The following GRM7 variants were observed in gnomAD, a reference collection of about 807,000 sequenced individuals.
GRM7 encodes the protein glutamate metabotropic receptor 7, also known as metabotropic glutamate receptor 7.
A neutral mutation model predicts 84.5 loss-of-function variants in GRM7; 35 were observed. The observed-to-expected ratio is 0.41, with a 90% CI of 0.32 to 0.55. The LOEUF (loss-of-function observed/expected upper bound fraction) is 0.55. Ranked by LOEUF, GRM7 falls within the 20% of genes least tolerant of loss-of-function variation. The pLI, the probability that GRM7 is intolerant of heterozygous loss-of-function variation, is 0.19. For synonymous variants in GRM7, 487 were observed against 455.1 expected (o/e 1.07, Z -0.89); for missense variants, 1,003 against 1,194.6 (o/e 0.84, Z 2.36).
intron 8 of GRM7, among the ~76,000 whole-genome samples, chr3:7,663,735 TAA>T (rs1699563364): frequency 1.3e-5 from 2 of 152,204 alleles, no homozygotes; most frequent in African/African-American, 4.8e-5. Flanking sequence ...CAAAAAGAAA[TAA>T]GTTAACTTGA....
chr3:7,731,085 T>G (rs188171534), intron 9 of GRM7, among the ~76,000 whole-genome samples: 10 of 68,598 alleles, frequency 1.5e-4, no homozygotes, highest in Admixed American at 1.1e-3. Context: ...TTTTCTTTTG[T>G]TTTTTTTTTT....
intron 9 of GRM7, among the ~76,000 whole-genome samples, chr3:7,728,808 G>C (rs1217870078): frequency 6.6e-6 from 1 of 152,210 alleles, no homozygotes; most frequent in East Asian, 1.9e-4. Flanking sequence ...AGGAAGAACT[G>C]GTCTGCCACA....
intron 1 of GRM7, among the ~76,000 whole-genome samples, chr3:6,876,054 G>A (rs1695288335): frequency 6.6e-6 from 1 of 152,054 alleles, no homozygotes; most frequent in Non-Finnish European, 1.5e-5. Context: ...GATCACCTGA[G>A]GTCAGGAGTT....
chr3:7,079,377 T>G (rs1365337377), intron 1 of GRM7, among the ~76,000 whole-genome samples: 3 of 152,154 alleles, frequency 2.0e-5, no homozygotes, highest in African/African-American at 7.2e-5. Flanking sequence ...ACTGTGCTCT[T>G]TAGAAGAATG....
intron 1 of GRM7, among the ~76,000 whole-genome samples, chr3:7,022,334 AAAAT>A (rs2124913760): frequency 6.8e-6 from 1 of 146,784 alleles, no homozygotes; most frequent in East Asian, 2.0e-4. Flanking sequence ...CAGAAAAAAA[AAAAT>A]AATAAAATAT....
chr3:7,572,226 C>T (rs2125046702), intron 7 of GRM7, among the ~76,000 whole-genome samples: 1 of 152,270 alleles, frequency 6.6e-6, no homozygotes, highest in East Asian at 1.9e-4. Flanking sequence ...TTCAGTGGTT[C>T]CCAACTTTGT....
intron 1 of GRM7, among the ~76,000 whole-genome samples, chr3:7,092,184 G>T (rs562971907): frequency 6.6e-6 from 1 of 151,972 alleles, no homozygotes; most frequent in Admixed American, 6.6e-5. Flanking sequence ...CTTTTAATCC[G>T]TGAAGTAAAG....
chr3:6,926,664 C>T (rs937160944), intron 1 of GRM7, among the ~76,000 whole-genome samples: 14 of 151,546 alleles, frequency 9.2e-5, no homozygotes, highest in Non-Finnish European at 1.9e-4. Flanking sequence ...AACAGCTTAG[C>T]CATTAGCTTG....
chr3:7,612,369 C>T (rs1404332511), intron 8 of GRM7, among the ~76,000 whole-genome samples: 1 of 152,154 alleles, frequency 6.6e-6, no homozygotes, highest in African/African-American at 2.4e-5. Flanking sequence ...ACATGTATTT[C>T]CTATGCCAGG....
chr3:7,653,274 G>T (rs1699040621), intron 8 of GRM7, among the ~76,000 whole-genome samples: 1 of 139,046 alleles, frequency 7.2e-6, no homozygotes, highest in Non-Finnish European at 1.5e-5. Flanking sequence ...TCAATAAATG[G>T]CATCATTTAT....
intron 1 of GRM7, among the ~76,000 whole-genome samples, chr3:6,965,011 C>A (rs1456020878): frequency 6.6e-6 from 1 of 152,182 alleles, no homozygotes; most frequent in Admixed American, 6.5e-5. Flanking sequence ...TGGCCCAGAT[C>A]CATGCTTCTG....
At chr3:6,954,173 C>A (rs906440467) in intron 1 of GRM7, among the ~76,000 whole-genome samples, 3 of 152,088 alleles carry the variant, frequency 2.0e-5, no homozygotes, top group Non-Finnish European at 2.9e-5. Context: ...ATGATCAAGT[C>A]AGGATATTCA....
At chr3:7,449,883 T>C (rs1697695938) in intron 5 of GRM7, among the ~76,000 whole-genome samples, 2 of 152,170 alleles carry the variant, frequency 1.3e-5, no homozygotes, top group African/African-American at 4.8e-5. Flanking sequence ...ACTTCTGTAC[T>C]CTGGAAGTGG....
chr3:7,230,709 C>A (rs565732249), intron 2 of GRM7, among the ~76,000 whole-genome samples: 1 of 152,052 alleles, frequency 6.6e-6, no homozygotes, highest in Admixed American at 6.5e-5. Flanking sequence ...TTGTGAGGAG[C>A]GTTTGTGAAT....
chr3:7,648,787 A>G (rs1698784564), intron 8 of GRM7, among the ~76,000 whole-genome samples: 1 of 152,236 alleles, frequency 6.6e-6, no homozygotes, highest in Non-Finnish European at 1.5e-5. Context: ...CTGTCTTCCA[A>G]GGTGACAGCC....
In GRM7 at chr3:6,902,554, G is replaced by GC. The variant is rs938682565; in HGVS notation, c.519+40647_519+40648insC. On this transcript the variant is annotated intron_variant, in intron 1 of 9. Transcript: ENST00000357716. Reference sequence around the variant, plus strand: ...TTGCCCCAGACACCTGAATAAACTTGTTCTATTATCTCTTAAATTACTATT... The same window carrying GC: ...TTGCCCCAGACACCTGAATAAACTTGCTTCTATTATCTCTTAAATTACTATT... Among the ~76,000 whole-genome samples the GC allele has an allele frequency of 1.6e-4, 25 of 151,984 alleles. 1 individual carries two copies. The highest frequency in any genetic ancestry group is 1.5e-5 in the Non-Finnish European group (1 of 67,994).
intron 1 of GRM7, among the ~76,000 whole-genome samples, chr3:7,064,027 G>A (rs1305657945): frequency 6.6e-6 from 1 of 151,666 alleles, no homozygotes. Context: ...TAAGCTGACA[G>A]AGGATTTGCT....
At chr3:6,969,137 T>A (rs771534937) in intron 1 of GRM7, among the ~76,000 whole-genome samples, 4 of 151,968 alleles carry the variant, frequency 2.6e-5, no homozygotes, top group African/African-American at 7.3e-5. Flanking sequence ...TACCAGCACA[T>A]CCTTTTTATT....
intron 1 of GRM7, among the ~76,000 whole-genome samples, chr3:7,107,338 G>A (rs970753902): frequency 3.9e-5 from 6 of 151,960 alleles, no homozygotes; most frequent in South Asian, 2.1e-4. Context: ...TATGTAATAC[G>A]TTCTACAGTA....
Sources: gnomAD v4.1 joint callset for allele counts (sites outside exome capture counted in the v4.1 genomes callset) on GRCh38, gnomAD v4.1.1 for gene constraint, MANE v1.5 for transcripts, NCBI Gene and HGNC (gene_info 2026-07-23, HGNC 2026-07-21) for gene names.